COL5A1: variants seen among roughly 807,000 people sequenced by gnomAD.
COL5A1 encodes collagen type V alpha 1 chain.
A neutral mutation model predicts 263.7 loss-of-function variants in COL5A1; 16 were observed. The observed-to-expected ratio is 0.06, with a 90% CI of 0.04 to 0.09. COL5A1 has a LOEUF of 0.09. Among genes scored for constraint, COL5A1 ranks in the 10% least tolerant of loss-of-function variants. The pLI is 1.00. For missense variants in COL5A1, 2,036 were observed against 2,540.5 expected (o/e 0.80, Z 4.27); for synonymous variants, 1,012 against 1,004.5 (o/e 1.01, Z -0.14).
intron 46 of COL5A1, among the ~76,000 whole-genome samples, chr9:134,812,102 T>C (rs1838545752): frequency 6.6e-6 from 1 of 152,226 alleles, no homozygotes; most frequent in African/African-American, 2.4e-5. Context: ...GACTTTCTAT[T>C]TATTTGGAAA....
At position 134,755,027 on chromosome 9, in the gene COL5A1, C is replaced by T. The variant is rs1310178056; in HGVS notation, c.1827+701C>T. On this transcript the variant is annotated intron_variant, in intron 16 of 65. Transcript: ENST00000371817. The surrounding 1 kb of genome is among the most constrained non-coding windows in gnomAD (Gnocchi z 4.1). ...CCTTGACTGCTATAGTCTGAGTCAA[C>T]AAGGCAAAAATGGGTCCTTCCCTAG... Among the ~76,000 whole-genome samples, 1 of 152,082 alleles carries T rather than the reference C, an allele frequency of 6.6e-6. No individual in the cohort carries two copies. Among genetic ancestry groups the T allele is most frequent in the African/African-American group, 2.4e-5 (1 of 41,422 alleles).
chr9:134,824,593 C>A lies in COL5A1; in HGVS notation c.4699-7C>A, dbSNP rs563795240. 6.2e-7 allele frequency: 1 copy of A among 1,613,750 alleles called. No homozygotes were observed. The highest frequency in any genetic ancestry group is 8.5e-7 in the Non-Finnish European group (1 of 1,179,998). ...TCACCCACCGCTGCTCCTGTTCTGT[C>A]CCCCAGGGCCCCCCGGGAGAGGTCA... is the stretch of plus-strand genomic sequence containing the variant. On this transcript the variant is annotated splice_polypyrimidine_tract_variant and splice_region_variant and intron_variant, in intron 61 of 65. Transcript: ENST00000371817.
intron 9 of COL5A1, among the ~76,000 whole-genome samples, chr9:134,737,205 C>G (rs370140612): frequency 1.3e-5 from 2 of 152,344 alleles, no homozygotes; most frequent in East Asian, 3.9e-4. Flanking sequence ...TTGACCTCTA[C>G]GTGGAGGGCG....
chr9:134,839,142 C>T (rs188146626), intron 65 of COL5A1, among the ~76,000 whole-genome samples: 2,193 of 152,314 alleles, frequency 0.014, 26 homozygotes, highest in Middle Eastern at 0.027. Flanking sequence ...ACGCGGGCAT[C>T]GTTTGGCTGG....
rs1470316448 is a variant in COL5A1 at position 134,819,062 on chromosome 9, G to A, written c.4446+9G>A. On this transcript the variant is annotated intron_variant, in intron 57 of 65. Coordinates refer to ENST00000371817, the MANE Select transcript of COL5A1 (RefSeq NM_000093.5). ...GTCCCAAAGGTGAAAAGGTAAGAGG[G>A]GCCTCCCTGCCCCAGCAACTGTGAC... 1 of 1,613,154 alleles carries A rather than the reference G, an allele frequency of 6.2e-7. No individual in the cohort carries two copies. The highest frequency in any genetic ancestry group is 1.7e-5 in the Admixed American group (1 of 60,026).
rs558524956 is a variant in COL5A1 at position 134,821,146 on chromosome 9, A to C, written c.4554+923A>C. ...CCCCAGGCCACAGCAGGGTCGTCGG[A>C]GGAGTGCCGCCCAGGGTGTGGTGGC... On this transcript the variant is annotated intron_variant, in intron 58 of 65. Transcript: ENST00000371817. The surrounding 1 kb of genome is among the most constrained non-coding windows in gnomAD (Gnocchi z 4.2). Among the ~76,000 whole-genome samples the C allele has an allele frequency of 6.6e-6, 1 of 152,160 alleles. No homozygotes were observed. Among genetic ancestry groups the C allele is most frequent in the African/African-American group, 2.4e-5 (1 of 41,522 alleles).
chr9:134,689,051 G>C (rs1046909543), intron 1 of COL5A1, among the ~76,000 whole-genome samples: 8 of 152,170 alleles, frequency 5.3e-5, no homozygotes, highest in African/African-American at 1.9e-4. Context: ...TGCCCGCGCT[G>C]AGTCCCCTGG....
chr9:134,786,897 G>A (rs1161750821), intron 31 of COL5A1, among the ~76,000 whole-genome samples: 1 of 152,210 alleles, frequency 6.6e-6, no homozygotes, highest in Non-Finnish European at 1.5e-5. Flanking sequence ...GAGGACGGGC[G>A]TGGTGGGCTG....
At chr9:134,684,228 C>T (rs115307230) in intron 1 of COL5A1, among the ~76,000 whole-genome samples, 10 of 152,348 alleles carry the variant, frequency 6.6e-5, no homozygotes, top group African/African-American at 1.2e-4. Context: ...CACCAGTGGA[C>T]GACCAGGAAC....
In COL5A1 at chr9:134,709,314, T is replaced by G. The variant is rs1370564151; in HGVS notation, c.654+7981T>G. On this transcript the variant is annotated intron_variant, in intron 4 of 65. Coordinates refer to ENST00000371817, the MANE Select transcript of COL5A1 (RefSeq NM_000093.5). ...TGAGCTGTGCCTGGCTGAGGAGGGG[T>G]GGGGGGGCTACTCCTGGCTAGCAGG... 207 of 240,480 alleles carry G rather than the reference T, an allele frequency of 8.6e-4. 2 individuals carry two copies. Among genetic ancestry groups the G allele is most frequent in the Middle Eastern group, 1.6e-3 (1 of 638 alleles). The allele number at this position is 240,480 out of a possible 1,614,324, so 14.9% of individuals were successfully genotyped here. A position where few individuals can be genotyped will look rare whatever the true frequency, so the allele number is the denominator to read the frequency against.
chr9:134,811,386 C>A lies in COL5A1; in HGVS notation c.3576C>A (p.Gly1192=), dbSNP rs141676973. Residue 1192 remains glycine (G), a synonymous_variant, in exon 45 of 66, where the codon GGC becomes GGA. Coordinates refer to ENST00000371817, the MANE Select transcript of COL5A1 (RefSeq NM_000093.5). ...TGPQGPIGQP[G]PSGADGEPGP... ...CTCAAGGCCCCATCGGACAGCCAGG[C>A]CCCTCTGTGAGTATCCATGGTCAAT... 2.5e-5 allele frequency: 40 copies of A among 1,613,416 alleles called. No homozygotes were observed. In the African/African-American group the frequency reaches 5.1e-4, roughly 20 times the overall value.
At chr9:134,675,330 C>T (rs1161806143) in intron 1 of COL5A1, among the ~76,000 whole-genome samples, 1 of 151,972 alleles carries the variant, frequency 6.6e-6, no homozygotes, top group Non-Finnish European at 1.5e-5. Flanking sequence ...TGAGAATTTG[C>T]ATCCTTGCCA....
chr9:134,705,155 G>A (rs918254915), intron 4 of COL5A1, among the ~76,000 whole-genome samples: 7 of 152,220 alleles, frequency 4.6e-5, no homozygotes, highest in Non-Finnish European at 1.0e-4. Flanking sequence ...GGGACTGGGG[G>A]TTTTTCCTGG....
rs529677434 is a variant in COL5A1 at position 134,720,522 on chromosome 9, C to T, written c.655-6744C>T. 2.0e-5 allele frequency among the ~76,000 whole-genome samples: 3 copies of T among 152,326 alleles called. No individual in the cohort carries two copies. The South Asian group carries it at 6.2e-4, about 32-fold the overall frequency. ...CTTTGTATTTGAAAGACAGTGTGCGCCAGATTATGGCGGTCGGGCTGGGCA... is the reference window on the plus strand; with the variant it reads ...CTTTGTATTTGAAAGACAGTGTGCGTCAGATTATGGCGGTCGGGCTGGGCA... On this transcript the variant is annotated intron_variant, in intron 4 of 65. Coordinates refer to ENST00000371817, the MANE Select transcript of COL5A1 (RefSeq NM_000093.5).
At chr9:134,691,949 G>A (rs1295227139) in intron 2 of COL5A1, 2 of 152,250 alleles carry the variant, frequency 1.3e-5, no homozygotes, top group Non-Finnish European at 2.9e-5. Flanking sequence ...ATGCTCCGTG[G>A]TGTTTCTGAT....
chr9:134,718,320 C>T (rs1444319172), intron 4 of COL5A1, among the ~76,000 whole-genome samples: 8 of 152,220 alleles, frequency 5.3e-5, no homozygotes, highest in Non-Finnish European at 1.2e-4. Flanking sequence ...ATGACCCTGG[C>T]CTGGTGGCGG....
At chr9:134,679,098 C>T (rs1480144056) in intron 1 of COL5A1, among the ~76,000 whole-genome samples, 10 of 152,224 alleles carry the variant, frequency 6.6e-5, no homozygotes, top group Admixed American at 6.5e-4. Context: ...AAGTGATACC[C>T]TGCCATCAGC....
intron 1 of COL5A1, chr9:134,649,326 C>T: frequency 2.7e-6 from 1 of 369,962 alleles, no homozygotes; most frequent in Non-Finnish European, 5.4e-6. Flanking sequence ...CTCATATTAG[C>T]AGTAAATGTC....
Position 134,806,180 on chromosome 9 carries a change from C to G in COL5A1, c.3259-9C>G. On this transcript the variant is annotated splice_polypyrimidine_tract_variant and intron_variant, in intron 41 of 65. Transcript: ENST00000371817. Reference sequence around the variant, plus strand: ...CTTTGAAGCAGACTGTTTTCTTGCTCCACCTCAGGGATCTCCAGGGGAGAG... The same window carrying G: ...CTTTGAAGCAGACTGTTTTCTTGCTGCACCTCAGGGATCTCCAGGGGAGAG... 1 of 1,545,928 alleles carries G rather than the reference C, an allele frequency of 6.5e-7. No individual in the cohort carries two copies. Among genetic ancestry groups the G allele is most frequent in the Non-Finnish European group, 8.8e-7 (1 of 1,142,320 alleles).
Sources: gnomAD v4.1 joint callset for allele counts (sites outside exome capture counted in the v4.1 genomes callset) on GRCh38, gnomAD v4.1.1 for gene constraint, Gnocchi (gnomAD v3.1) non-coding constraint, MANE v1.5 for transcripts, NCBI Gene and HGNC (gene_info 2026-07-23, HGNC 2026-07-21) for gene names.